Variants in GBP2 observed in about 807,000 individuals in gnomAD.
GBP2 encodes guanylate-binding protein 2.
GBP2 carries 54 observed loss-of-function variants against 60.8 expected under a neutral mutation model. The ratio of observed to expected loss-of-function variants is 0.89; its 90% confidence interval spans 0.71 to 1.11. The LOEUF is 1.11. Ranked by LOEUF, GBP2 falls within the 50% of genes most tolerant of loss-of-function variation. GBP2 has a pLI of 0.00. For missense variants in GBP2, 665 were observed against 703.3 expected (o/e 0.95, Z 0.62); for synonymous variants, 243 against 256.5 (o/e 0.95, Z 0.50).
At position 89,114,177 on chromosome 1, in the gene GBP2, T is replaced by C. The variant is rs138775487; in HGVS notation, c.988A>G (p.Ile330Val). The C allele has an allele frequency of 1.7e-5, 27 of 1,614,118 alleles. No individual in the cohort carries two copies. In the African/African-American group the frequency reaches 3.1e-4, roughly 18 times the overall value. The change falls in exon 7 of 11, where the codon ATT becomes GTT. Residue 330 changes from isoleucine to valine, a missense_variant. By Grantham distance (29) the Ile-to-Val change is conservative (BLOSUM62 3). Coordinates refer to ENST00000370466, the MANE Select transcript of GBP2 (RefSeq NM_004120.5). ...IENSAAVEKAIAHYEQQMGQK... is the reference protein window; with the variant it reads ...IENSAAVEKAVAHYEQQMGQK... The stretch of plus-strand genomic sequence containing the variant: ...CCCATCTGCTGTTCATAGTGGGCAA[T>C]AGCCTTTTCCACTGCGGCTGAGTTC...
At chr1:89,110,133 G>A (rs144421688) in intron 9 of GBP2, 31 bp downstream of exon 9, 41 of 1,499,402 alleles carry the variant, frequency 2.7e-5, no homozygotes, top group African/African-American at 2.5e-4. Context: ...AGAGCTTTCC[G>A]ACCATGTAGA....
rs552628616 is a variant in GBP2 at position 89,123,953 on chromosome 1, T to C, written c.-18+1910A>G. ...TCTAGTTTACCTTTCTTGGACTTTT[T>C]TTCATTAATGAGCATATACATGTAT... On this transcript the variant is annotated intron_variant, in intron 1 of 10. Coordinates refer to ENST00000370466, the MANE Select transcript of GBP2 (RefSeq NM_004120.5). 1.1e-4 allele frequency among the ~76,000 whole-genome samples: 17 copies of C among 152,336 alleles called. 1 individual carries two copies. The South Asian group carries it at 3.1e-3, about 28-fold the overall frequency.
At chr1:89,113,751 A>G (rs531131908) in intron 7 of GBP2, among the ~76,000 whole-genome samples, 20 of 152,220 alleles carry the variant, frequency 1.3e-4, no homozygotes, top group South Asian at 2.1e-4. Flanking sequence ...ATAAGTTAAA[A>G]TAGTCTTTAA....
intron 10 of GBP2, among the ~76,000 whole-genome samples, chr1:89,109,450 G>A (rs566180819): frequency 6.6e-6 from 1 of 152,296 alleles, no homozygotes; most frequent in East Asian, 1.9e-4. Context: ...GCAGTGCCTA[G>A]CAATGTTTAT....
chr1:89,110,149 T>A lies in GBP2; in HGVS notation c.1465+15A>T, dbSNP rs1681134491. 6.3e-7 allele frequency: 1 copy of A among 1,586,264 alleles called. No homozygotes were observed. Among genetic ancestry groups the A allele is most frequent in the African/African-American group, 1.3e-5 (1 of 74,256 alleles). On this transcript the variant is annotated intron_variant, in intron 9 of 10. Transcript: ENST00000370466. ...GAGCTTTCCGACCATGTAGAGTGTT[T>A]TCAGCTGTTCTCACCTTCAATCGCT...
intron 6 of GBP2, among the ~76,000 whole-genome samples, chr1:89,115,154 C>T (rs979839780): frequency 2.6e-5 from 4 of 152,196 alleles, no homozygotes; most frequent in Admixed American, 6.5e-5. Context: ...AATTGCTAAA[C>T]TCGAAACGCT....
In GBP2 at chr1:89,119,948, T is replaced by C. The variant is rs1034509004; in HGVS notation, c.428+231A>G. 4.4e-5 allele frequency: 21 copies of C among 476,802 alleles called. No homozygotes were observed. In the South Asian group the frequency reaches 5.0e-4, roughly 11 times the overall value. 29.5% of individuals were successfully genotyped at this position (476,802 alleles called of 1,614,324 possible). A position where few individuals can be genotyped will look rare whatever the true frequency, so the allele number is the denominator to read the frequency against. On this transcript the variant is annotated intron_variant, in intron 4 of 10. Coordinates refer to ENST00000370466, the MANE Select transcript of GBP2 (RefSeq NM_004120.5). ...GACAGGCATAGGAGATTAAGTCAGA[T>C]AGAGGATATACAGAGTCTTGGGTGG...
chr1:89,122,787 A>T (rs1401113702), intron 1 of GBP2, among the ~76,000 whole-genome samples: 2 of 152,128 alleles, frequency 1.3e-5, no homozygotes, highest in East Asian at 1.9e-4. Flanking sequence ...TACTTCCATA[A>T]TTTTTTCAGT....
In GBP2 at chr1:89,120,251, G is replaced by C. The variant is rs1485281165; in HGVS notation, c.356C>G (p.Ala119Gly). 6.2e-7 allele frequency: 1 copy of C among 1,613,922 alleles called. No homozygotes were observed. Among genetic ancestry groups the C allele is most frequent in the East Asian group, 2.2e-5 (1 of 44,880 alleles). The change falls in exon 4 of 11, where the codon GCC (alanine) becomes GGC (glycine). Residue 119 changes from alanine to glycine, a missense_variant. By Grantham distance (60) the Ala-to-Gly change is moderately conservative. Coordinates refer to ENST00000370466, the MANE Select transcript of GBP2 (RefSeq NM_004120.5). The part of the protein sequence containing the change: ...NENDSWIFAL[A>G]ILLSSTFVYN... The stretch of plus-strand genomic sequence containing the variant: ...CACGAAGGTGCTGCTCAGGAGGATG[G>C]CCAAGGCAAAGATCCAGGAGTCATT...
rs1681060380 is a variant in GBP2, at chr1:89,106,710, AAAATACTC to A, written c.*1457_*1464del. ...TTTCTTCCTCCAAAAGTAGAAGACA[AAAATACTC>A]TAATTCTCAGACTTTCCCATGGGTA... is the stretch of plus-strand genomic sequence containing the variant. On this transcript the variant is annotated 3_prime_UTR_variant, in exon 11 of 11. Transcript: ENST00000370466. 6.6e-6 allele frequency: 1 copy of A among 152,252 alleles called. No individual in the cohort carries two copies. Among genetic ancestry groups the A allele is most frequent in the Admixed American group, 6.5e-5 (1 of 15,280 alleles). 9.4% of individuals were successfully genotyped at this position (152,252 alleles called of 1,614,324 possible). A position where few individuals can be genotyped will look rare whatever the true frequency, so the allele number is the denominator to read the frequency against.
intron 7 of GBP2, among the ~76,000 whole-genome samples, chr1:89,113,705 A>G (rs1342421029): frequency 6.6e-6 from 1 of 152,248 alleles, no homozygotes; most frequent in East Asian, 1.9e-4. Context: ...ACCAGGGAAC[A>G]TAAAAACAAT....
At chr1:89,112,766 TC>T in intron 7 of GBP2, 82 bp from the exon 8 acceptor site, 1 of 1,132,000 alleles carries the variant, frequency 8.8e-7, no homozygotes, top group South Asian at 1.3e-5. Flanking sequence ...AAAATGCTTC[TC>T]CTTCAGAAAT....
rs1553121700 is a variant in GBP2, at chr1:89,108,899, C to CT, written c.1660-609dup. 1.2e-3 allele frequency among the ~76,000 whole-genome samples: 177 copies of CT among 147,036 alleles called. 2 individuals carry two copies. The highest frequency in any genetic ancestry group is 7.8e-3 in the East Asian group (39 of 4,996). On this transcript the variant is annotated intron_variant, in intron 10 of 10. Transcript: ENST00000370466. ...GTGGGTAGATGGTTAGGGAATCTTT[C>CT]TTTTTTTTTTTTTGAGATGGAATTT... is the stretch of plus-strand genomic sequence containing the variant.
In GBP2 at chr1:89,106,390, T is replaced by C. The variant is rs1408668440; in HGVS notation, c.*1785A>G. On this transcript the variant is annotated 3_prime_UTR_variant, in exon 11 of 11. Coordinates refer to ENST00000370466, the MANE Select transcript of GBP2 (RefSeq NM_004120.5). Reference sequence around the variant, plus strand: ...AATATGTTAAATTGTGTTCCCAGGGTTGGGGAATAGGGAGTACCTATTCTA... The same window carrying C: ...AATATGTTAAATTGTGTTCCCAGGGCTGGGGAATAGGGAGTACCTATTCTA... 1 of 152,208 alleles carries C rather than the reference T, an allele frequency of 6.6e-6. No individual in the cohort carries two copies. Among genetic ancestry groups the C allele is most frequent in the Non-Finnish European group, 1.5e-5 (1 of 68,034 alleles). The allele number at this position is 152,208 out of a possible 1,614,324, so 9.4% of individuals were successfully genotyped here.
intron 6 of GBP2, among the ~76,000 whole-genome samples, chr1:89,115,837 G>C (rs1681259379): frequency 6.6e-6 from 1 of 151,684 alleles, no homozygotes; most frequent in Non-Finnish European, 1.5e-5. Flanking sequence ...AAACTCCTGG[G>C]CTCAAGGAAT....
chr1:89,108,275 A>G lies in GBP2; in HGVS notation c.1676T>C (p.Leu559Pro). The G allele has an allele frequency of 6.2e-7, 1 of 1,611,682 alleles. No individual in the cohort carries two copies. Among genetic ancestry groups the G allele is most frequent in the South Asian group, 1.1e-5 (1 of 91,038 alleles). The part of the protein sequence containing the change: ...ALKLQEQERL[L>P]KEGFENESKR... ...GCTCTCATTCTCGAATCCCTCCTTG[A>G]GAAGGCGTTCCTGTTCCTAAAAGGG... The change falls in exon 11 of 11, where the codon CTC (leucine) becomes CCC (proline). Residue 559 changes from leucine to proline, a missense_variant. Physicochemically the swap from Leu to Pro is moderately conservative, Grantham distance 98 (BLOSUM62 -3). Transcript: ENST00000370466.
chr1:89,108,718 A>G (rs1028829710), intron 10 of GBP2, among the ~76,000 whole-genome samples: 4 of 152,122 alleles, frequency 2.6e-5, no homozygotes, highest in Admixed American at 2.6e-4. Flanking sequence ...CAGGGAATTT[A>G]GTACAGGTCT....
At position 89,109,888 on chromosome 1, in the gene GBP2, G is replaced by A. The variant is rs1391427381; in HGVS notation, c.1466-18C>T. The A allele has an allele frequency of 1.9e-6, 3 of 1,599,012 alleles. No homozygotes were observed. The highest frequency in any genetic ancestry group is 1.3e-5 in the African/African-American group (1 of 74,306). ...ACGTTCCACTGTGGAAGAAAAATAA[G>A]CAGAAAAAGATATGAATATTCAATT... On this transcript the variant is annotated intron_variant, in intron 9 of 10. Transcript: ENST00000370466.
intron 1 of GBP2, among the ~76,000 whole-genome samples, chr1:89,122,675 C>G (rs1438981316): frequency 2.0e-5 from 3 of 152,130 alleles, no homozygotes; most frequent in Non-Finnish European, 4.4e-5. Flanking sequence ...TTAAGGTGTT[C>G]TCTGCCAGGT....
Sources: gnomAD v4.1 joint callset for allele counts (sites outside exome capture counted in the v4.1 genomes callset) on GRCh38, gnomAD v4.1.1 for gene constraint, MANE v1.5 for transcripts, NCBI Gene and HGNC (gene_info 2026-07-23, HGNC 2026-07-21) for gene names.